Variants in COBL observed in about 807,000 individuals in gnomAD.
COBL encodes the protein protein cordon-bleu.
A neutral mutation model predicts 98.8 loss-of-function variants in COBL; 51 were observed. The observed-to-expected ratio is 0.52, with a 90% confidence interval of 0.41 to 0.65. The LOEUF is 0.65. COBL is among the 30% of genes least tolerant of loss of function. The pLI, the probability that COBL is intolerant of heterozygous loss-of-function variation, is 0.00. For synonymous variants in COBL, 634 were observed against 651.7 expected (o/e 0.97, Z 0.41); for missense variants, 1,617 against 1,617.5 (o/e 1.00, Z 0.01).
intron 1 of COBL, among the ~76,000 whole-genome samples, chr7:51,308,939 T>C (rs1584466470): frequency 6.6e-6 from 1 of 152,176 alleles, no homozygotes; most frequent in Non-Finnish European, 1.5e-5. Context: ...CTGGAAAGCA[T>C]AGGCTTTGTA....
chr7:51,296,455 C>T (rs1461522267), intron 1 of COBL, among the ~76,000 whole-genome samples: 2 of 151,892 alleles, frequency 1.3e-5, no homozygotes, highest in Non-Finnish European at 2.9e-5. Flanking sequence ...CTTGGCTTTA[C>T]TTTCTTCTTC....
intron 7 of COBL, among the ~76,000 whole-genome samples, chr7:51,056,750 A>T (rs1489216178): frequency 6.6e-6 from 1 of 152,000 alleles, no homozygotes; most frequent in East Asian, 1.9e-4. Context: ...CTAACATACC[A>T]TTAAAAGTGA....
rs114312853 is a variant in COBL at position 51,103,888 on chromosome 7, C to T, written c.958-18584G>A. On this transcript the variant is annotated intron_variant, in intron 6 of 12. Coordinates refer to ENST00000265136, the MANE Select transcript of COBL (RefSeq NM_015198.5). ...ACTCAAATCAGAGGGGTGCCCTTCCCGACAGGCCTGCCCGCACCTGGCCTC... is the reference window on the plus strand; with the variant it reads ...ACTCAAATCAGAGGGGTGCCCTTCCTGACAGGCCTGCCCGCACCTGGCCTC... Among the ~76,000 whole-genome samples, 1,085 of 152,356 alleles carry T rather than the reference C, an allele frequency of 7.1e-3. 13 individuals carry two copies. The highest frequency in any genetic ancestry group is 0.025 in the African/African-American group (1,053 of 41,576).
intron 1 of COBL, among the ~76,000 whole-genome samples, chr7:51,254,202 T>A (rs1796997641): frequency 6.6e-6 from 1 of 152,174 alleles, no homozygotes; most frequent in South Asian, 2.1e-4. Context: ...AATCACTCCA[T>A]GTCAGCTCAT....
At chr7:51,220,516 T>C (rs1174367400) in intron 1 of COBL, among the ~76,000 whole-genome samples, 1 of 152,220 alleles carries the variant, frequency 6.6e-6, no homozygotes, top group African/African-American at 2.4e-5. Context: ...ATGCGGGTGA[T>C]GGTAAAGGGA....
intron 5 of COBL, among the ~76,000 whole-genome samples, chr7:51,159,107 G>A (rs189446302): frequency 5.3e-5 from 8 of 152,306 alleles, no homozygotes; most frequent in Middle Eastern, 3.4e-3. Flanking sequence ...CGGGGGCGGC[G>A]TTGCAGGCTC....
In COBL at chr7:51,029,087, G is replaced by A. The variant is rs1310990775; in HGVS notation, c.2009C>T (p.Pro670Leu). The change falls in exon 10 of 13, where the codon CCG becomes CTG. Residue 670 changes from proline (P) to leucine (L), a missense_variant. Transcript: ENST00000265136. The part of the protein sequence containing the change: ...TQATERVNSQ[P>L]VNEKDSNDKN... Reference sequence around the variant, plus strand: ...ATCGTTGCTGTCCTTTTCATTCACCGGTTGGGAATTCACTCTCTCTGTGGC... The same window carrying A: ...ATCGTTGCTGTCCTTTTCATTCACCAGTTGGGAATTCACTCTCTCTGTGGC... 22 of 1,614,030 alleles carry A rather than the reference G, an allele frequency of 1.4e-5. No individual in the cohort carries two copies. The highest frequency in any genetic ancestry group is 6.7e-5 in the East Asian group (3 of 44,884).
At chr7:51,198,080 G>A (rs1052390901) in intron 2 of COBL, among the ~76,000 whole-genome samples, 4 of 152,156 alleles carry the variant, frequency 2.6e-5, no homozygotes, top group African/African-American at 9.7e-5. Flanking sequence ...TTATTTTGCA[G>A]ACTTGTTTAG....
intron 1 of COBL, among the ~76,000 whole-genome samples, chr7:51,246,928 T>C (rs1269133937): frequency 6.6e-6 from 1 of 152,192 alleles, no homozygotes; most frequent in Non-Finnish European, 1.5e-5. Flanking sequence ...TGGACCCCTG[T>C]CCCCACCAAG....
chr7:51,250,930 C>T (rs1189012933), intron 1 of COBL, among the ~76,000 whole-genome samples: 3 of 152,186 alleles, frequency 2.0e-5, no homozygotes, highest in African/African-American at 7.2e-5. Flanking sequence ...GGCCAATAAA[C>T]ATACCTCTAA....
rs150992407 is a variant in COBL at position 51,136,305 on chromosome 7, T to C, written c.810A>G (p.Pro270=). Residue 270 remains proline, a synonymous_variant, in exon 6 of 13, where the codon CCA becomes CCG. Transcript: ENST00000265136. Reference sequence around the variant, plus strand: ...GCGTAAGAGAACGTGAGTGCATGGATGGGGAGTTGGGGGTCGTTAAACAGC... The same window carrying C: ...GCGTAAGAGAACGTGAGTGCATGGACGGGGAGTTGGGGGTCGTTAAACAGC... ...SKGCLTTPNS[P]SMHSRSLTLG... 2.1e-5 allele frequency: 34 copies of C among 1,613,646 alleles called. No homozygotes were observed. Among genetic ancestry groups the C allele is most frequent in the Non-Finnish European group, 2.8e-5 (33 of 1,179,896 alleles).
intron 6 of COBL, among the ~76,000 whole-genome samples, chr7:51,127,034 C>T (rs1006800364): frequency 2.6e-5 from 4 of 152,186 alleles, no homozygotes; most frequent in African/African-American, 7.2e-5. Flanking sequence ...GAACAAGTCA[C>T]GGTCCCAAGC....
intron 6 of COBL, among the ~76,000 whole-genome samples, chr7:51,128,848 G>A (rs1359798316): frequency 6.6e-6 from 1 of 152,224 alleles, no homozygotes; most frequent in Non-Finnish European, 1.5e-5. Context: ...TCTGAGAGGT[G>A]GCATGCAAAC....
intron 1 of COBL, among the ~76,000 whole-genome samples, chr7:51,238,716 C>G (rs1182564120): frequency 1.3e-5 from 2 of 152,184 alleles, no homozygotes; most frequent in African/African-American, 4.8e-5. Context: ...CTCCCAGCCC[C>G]CACCACAATG....
At chr7:51,130,578 C>T (rs1237638973) in intron 6 of COBL, among the ~76,000 whole-genome samples, 1 of 152,214 alleles carries the variant, frequency 6.6e-6, no homozygotes, top group Non-Finnish European at 1.5e-5. Context: ...AGAGAGGACA[C>T]TTGAGTCTGG....
At chr7:51,076,514 T>A (rs894384639) in intron 7 of COBL, among the ~76,000 whole-genome samples, 1 of 152,350 alleles carries the variant, frequency 6.6e-6, no homozygotes, top group African/African-American at 2.4e-5. Context: ...CTCTGCTCGA[T>A]CACTTGCTTA....
chr7:51,094,520 T>C (rs895453447), intron 6 of COBL, among the ~76,000 whole-genome samples: 1 of 151,934 alleles, frequency 6.6e-6, no homozygotes. Context: ...TAAAAGTAAA[T>C]AAATTTTTAA....
At chr7:51,024,382 A>G (rs933075472) in intron 12 of COBL, among the ~76,000 whole-genome samples, 7 of 152,220 alleles carry the variant, frequency 4.6e-5, no homozygotes, top group African/African-American at 1.4e-4. Context: ...AATTATTAGC[A>G]TAACTCCCCA....
intron 1 of COBL, among the ~76,000 whole-genome samples, chr7:51,227,480 C>A (rs971125232): frequency 6.6e-6 from 1 of 152,132 alleles, no homozygotes; most frequent in Non-Finnish European, 1.5e-5. Context: ...CTGATGAAGG[C>A]CATGGACCTT....
Sources: allele counts gnomAD v4.1 joint callset (sites outside exome capture counted in the v4.1 genomes callset), GRCh38; gene constraint gnomAD v4.1.1; transcripts MANE v1.5; gene names NCBI Gene and HGNC (gene_info 2026-07-23, HGNC 2026-07-21).